Variants in EYA2 observed in about 807,000 individuals in gnomAD.
EYA2 encodes protein phosphatase EYA2.
Under a neutral mutation model 69.2 loss-of-function variants are expected in EYA2, and 31 were observed. The observed-to-expected ratio is 0.45, with a 90% CI of 0.34 to 0.60. The LOEUF (loss-of-function observed/expected upper bound fraction) is 0.60. Ranked by LOEUF, EYA2 falls within the 20% of genes least tolerant of loss-of-function variation. The pLI, the probability that EYA2 is intolerant of heterozygous loss-of-function variation, is 0.02. For missense variants in EYA2, 622 were observed against 701.2 expected (o/e 0.89, Z 1.28); for synonymous variants, 257 against 279.4 (o/e 0.92, Z 0.80).
chr20:47,154,819 TTGTGTGTGTGTGTGTGTGTGTG>T (rs11472542), intron 10 of EYA2, among the ~76,000 whole-genome samples: 3 of 140,794 alleles, frequency 2.1e-5, no homozygotes, highest in South Asian at 2.5e-4. Flanking sequence ...TTATTTTGTT[TTGTGTGTGTGTGTGTGTGTGTG>T]TGTGTGTGTG....
intron 1 of EYA2, among the ~76,000 whole-genome samples, chr20:46,957,571 AC>A (rs1457708372): frequency 0.2 from 28,800 of 141,278 alleles, 3,304 homozygotes; most frequent in Non-Finnish European, 0.24. Flanking sequence ...ACACACACAC[AC>A]ACACACGAAG....
intron 1 of EYA2, among the ~76,000 whole-genome samples, chr20:46,955,213 C>T (rs1478369843): frequency 1.3e-5 from 2 of 151,642 alleles, no homozygotes; most frequent in East Asian, 1.9e-4. Context: ...CTCGGCTCAC[C>T]GCAGCCTCCG....
At chr20:47,072,099 G>T in intron 5 of EYA2, 86 bp from the exon 6 acceptor site, 3 of 1,209,206 alleles carry the variant, frequency 2.5e-6, no homozygotes, top group Non-Finnish European at 3.7e-6. Context: ...GCCACATGGA[G>T]GGAGGTTCAT....
intron 9 of EYA2, among the ~76,000 whole-genome samples, chr20:47,106,802 G>C (rs6018280): frequency 0.65 from 98,519 of 152,020 alleles, 32,192 homozygotes; most frequent in Non-Finnish European, 0.66. Flanking sequence ...CACTCGCTCA[G>C]CATCCCAAGG....
Position 47,188,632 on chromosome 20 carries a change from A to T in EYA2, c.*499A>T. The T allele has an allele frequency of 5.6e-6, 2 of 354,440 alleles. No individual in the cohort carries two copies. The highest frequency in any genetic ancestry group is 2.4e-4 in the South Asian group (2 of 8,356). 22.0% of individuals were successfully genotyped at this position (354,440 alleles called of 1,614,324 possible). ...ATTCTCCAAGTTGTGCTTTGTGGGG[A>T]CAATCATTCTTTGAACATTAGAGAG... On this transcript the variant is annotated 3_prime_UTR_variant, in exon 16 of 16. Coordinates refer to ENST00000327619, the MANE Select transcript of EYA2 (RefSeq NM_005244.5).
At chr20:47,051,910 G>A (rs1036747671) in intron 5 of EYA2, among the ~76,000 whole-genome samples, 11 of 152,298 alleles carry the variant, frequency 7.2e-5, no homozygotes, top group East Asian at 1.9e-4. Flanking sequence ...CATAGTGCCC[G>A]GCACAGAGCA....
intron 12 of EYA2, among the ~76,000 whole-genome samples, chr20:47,175,489 G>A (rs2034408672): frequency 6.6e-6 from 1 of 152,126 alleles, no homozygotes; most frequent in Non-Finnish European, 1.5e-5. Context: ...AGCATCATTG[G>A]TAGATGGCTA....
chr20:46,947,702 C>G (rs897878793), intron 1 of EYA2, among the ~76,000 whole-genome samples: 3 of 152,226 alleles, frequency 2.0e-5, no homozygotes, highest in East Asian at 3.8e-4. Flanking sequence ...CTCACCATTT[C>G]TTTGAATATT....
intron 9 of EYA2, among the ~76,000 whole-genome samples, chr20:47,108,884 C>G (rs1004910880): frequency 2.0e-5 from 3 of 152,022 alleles, no homozygotes; most frequent in African/African-American, 7.2e-5. Context: ...GCCCCTCTGG[C>G]TCTCCCCGGG....
chr20:47,051,460 AACAAGCCCCCGAGGCAG>A, intron 5 of EYA2, among the ~76,000 whole-genome samples: 1 of 152,346 alleles, frequency 6.6e-6, no homozygotes, highest in East Asian at 1.9e-4. Context: ...TGAGATGAAG[AACAAGCCCCCGAGGCAG>A]ACACTCCTGG....
intron 1 of EYA2, among the ~76,000 whole-genome samples, chr20:46,915,560 C>T (rs1236238539): frequency 1.3e-5 from 2 of 152,340 alleles, no homozygotes; most frequent in Admixed American, 1.3e-4. Context: ...TCCAGGCCCA[C>T]TTTCTTCCTT....
At chr20:47,078,321 G>A (rs1432569000) in intron 7 of EYA2, among the ~76,000 whole-genome samples, 30 of 84,104 alleles carry the variant, frequency 3.6e-4, no homozygotes, top group South Asian at 3.8e-4. Flanking sequence ...GTGCACGTGC[G>A]CGCGCGCGCG....
chr20:47,096,577 A>G (rs1469305364), intron 8 of EYA2, among the ~76,000 whole-genome samples: 1 of 152,234 alleles, frequency 6.6e-6, no homozygotes, highest in African/African-American at 2.4e-5. Context: ...GAGAAACAAC[A>G]GAGATTTCCA....
At chr20:47,023,348 C>T (rs961558114) in intron 5 of EYA2, among the ~76,000 whole-genome samples, 2 of 150,006 alleles carry the variant, frequency 1.3e-5, no homozygotes, top group African/African-American at 4.9e-5. Context: ...CTAAGGGTTT[C>T]TCTATCACTG....
At position 46,983,728 on chromosome 20, in the gene EYA2, T is replaced by C. The variant is rs187738999; in HGVS notation, c.-10-6273T>C. Among the ~76,000 whole-genome samples the C allele has an allele frequency of 3.2e-4, 48 of 152,206 alleles. 1 individual carries two copies. The highest frequency in any genetic ancestry group is 1.1e-3 in the African/African-American group (47 of 41,466). On this transcript the variant is annotated intron_variant, in intron 1 of 15. Coordinates refer to ENST00000327619, the MANE Select transcript of EYA2 (RefSeq NM_005244.5). ...CTTTGCTCCTGTGTCCTAACTACTTTAGTAATCCTGAACTCCAGTTTTTTT... is the reference window on the plus strand; with the variant it reads ...CTTTGCTCCTGTGTCCTAACTACTTCAGTAATCCTGAACTCCAGTTTTTTT...
intron 5 of EYA2, among the ~76,000 whole-genome samples, chr20:47,044,443 T>A (rs999658894): frequency 2.0e-5 from 3 of 152,040 alleles, no homozygotes; most frequent in Admixed American, 2.0e-4. Flanking sequence ...AAATCAATAT[T>A]TGTAATAGAA....
chr20:47,078,310 TGTGCAC>T lies in EYA2; in HGVS notation c.661+3980_661+3985del, dbSNP rs754510107. On this transcript the variant is annotated intron_variant, in intron 7 of 15. Coordinates refer to ENST00000327619, the MANE Select transcript of EYA2 (RefSeq NM_005244.5). Reference sequence around the variant, plus strand: ...GAATTTAAGCATATGTGTGTGCACATGTGCACGTGCGCGCGCGCGCGCACACACACA... The same window carrying T: ...GAATTTAAGCATATGTGTGTGCACATGTGCGCGCGCGCGCGCACACACACA... Among the ~76,000 whole-genome samples, 38 of 133,454 alleles carry T rather than the reference TGTGCAC, an allele frequency of 2.8e-4. No homozygotes were observed. In the South Asian group the frequency reaches 9.7e-3, roughly 34 times the overall value. The allele number at this position is 133,454 out of a possible 152,430, so 87.6% of individuals were successfully genotyped here. A position where few individuals can be genotyped will look rare whatever the true frequency, so the allele number is the denominator to read the frequency against.
At chr20:47,038,749 G>A (rs952143028) in intron 5 of EYA2, among the ~76,000 whole-genome samples, 1 of 152,092 alleles carries the variant, frequency 6.6e-6, no homozygotes, top group African/African-American at 2.4e-5. Context: ...TATATCCATT[G>A]AACAACTAGT....
intron 6 of EYA2, among the ~76,000 whole-genome samples, chr20:47,073,772 C>G (rs1264430516): frequency 6.6e-6 from 1 of 152,010 alleles, no homozygotes; most frequent in Non-Finnish European, 1.5e-5. Context: ...GGGTGCAGCT[C>G]TCAAAGACCA....
Sources: allele counts gnomAD v4.1 joint callset (sites outside exome capture counted in the v4.1 genomes callset), GRCh38; gene constraint gnomAD v4.1.1; transcripts MANE v1.5; gene names NCBI Gene and HGNC (gene_info 2026-07-23, HGNC 2026-07-21).